Variants in ABCB5 observed in about 807,000 individuals in gnomAD.
The protein encoded by ABCB5 is ATP binding cassette subfamily B member 5.
In ABCB5, 155 loss-of-function variants were observed where a neutral mutation model predicts 144.2. That is an observed-to-expected ratio of 1.08 (90% CI 0.94 to 1.23). The LOEUF is 1.23. ABCB5 is among the 50% of genes most tolerant of loss of function. ABCB5 has a pLI of 0.00. For missense variants in ABCB5, 1,830 were observed against 1,520.8 expected (o/e 1.20, Z -3.38); for synonymous variants, 610 against 528.6 (o/e 1.15, Z -2.11).
intron 23 of ABCB5, among the ~76,000 whole-genome samples, chr7:20,738,446 T>C (rs910138791): frequency 6.6e-6 from 1 of 152,190 alleles, no homozygotes; most frequent in South Asian, 2.1e-4. Context: ...TTTAGTCAGA[T>C]TTTGCTTTGG....
rs1784403619 is a variant in ABCB5, at chr7:20,646,145, C to T, written c.981+7C>T. 6.2e-6 allele frequency: 10 copies of T among 1,607,376 alleles called. No individual in the cohort carries two copies. The highest frequency in any genetic ancestry group is 8.5e-6 in the Non-Finnish European group (10 of 1,177,918). Reference sequence around the variant, plus strand: ...CATCGGGACTGTTCTTGCTGTAAGTCTTGTTTGAGAACAAGGTGTCAGGCC... The same window carrying T: ...CATCGGGACTGTTCTTGCTGTAAGTTTTGTTTGAGAACAAGGTGTCAGGCC... On this transcript the variant is annotated splice_region_variant and intron_variant, in intron 9 of 27. Transcript: ENST00000404938.
chr7:20,669,669 T>A (rs1785395700), intron 14 of ABCB5, among the ~76,000 whole-genome samples: 1 of 133,852 alleles, frequency 7.5e-6, no homozygotes, highest in Non-Finnish European at 1.6e-5. Context: ...CCTCCACTAT[T>A]GTCCTATGAC....
chr7:20,740,172 G>A (rs1034600297), intron 24 of ABCB5, among the ~76,000 whole-genome samples: 5 of 152,120 alleles, frequency 3.3e-5, no homozygotes, highest in African/African-American at 7.2e-5. Context: ...CCCGGGAGGC[G>A]GAGGTTGCAG....
intron 14 of ABCB5, among the ~76,000 whole-genome samples, chr7:20,673,132 A>G (rs1333075167): frequency 6.6e-6 from 1 of 152,154 alleles, no homozygotes; most frequent in Non-Finnish European, 1.5e-5. Context: ...GTCAGGGAGT[A>G]TTCATGTATG....
intron 20 of ABCB5, among the ~76,000 whole-genome samples, chr7:20,715,765 G>C (rs1436842692): frequency 6.6e-6 from 1 of 150,898 alleles, no homozygotes; most frequent in African/African-American, 2.4e-5. Flanking sequence ...TGTCACCCAG[G>C]CTGGAGTGCA....
At position 20,645,878 on chromosome 7, in the gene ABCB5, A is replaced by C. The variant is rs1390674760; in HGVS notation, c.801A>C (p.Gln267His). 6.2e-7 allele frequency: 1 copy of C among 1,613,338 alleles called. No homozygotes were observed. Among genetic ancestry groups the C allele is most frequent in the African/African-American group, 1.3e-5 (1 of 74,900 alleles). Reference sequence around the variant, plus strand: ...TTAGGGCCCAGGAGAAAGAACTTCAAAGGTCTTTCCTTTTAAATATAACAA... The same window carrying C: ...TTAGGGCCCAGGAGAAAGAACTTCACAGGTCTTTCCTTTTAAATATAACAA... ...IAFRAQEKEL[Q>H]RYTQNLKDAK... The change falls in exon 8 of 28, where the codon CAA (glutamine) becomes CAC (histidine). Residue 267 changes from glutamine to histidine, a missense_variant and splice_region_variant. Gln to His is a conservative substitution (Grantham distance 24). Transcript: ENST00000404938.
intron 2 of ABCB5, among the ~76,000 whole-genome samples, chr7:20,625,145 A>G (rs73684574): frequency 0.051 from 7,802 of 152,246 alleles, 580 homozygotes; most frequent in African/African-American, 0.16. Flanking sequence ...GGGTTTTGCA[A>G]TGGTAAAGCA....
At chr7:20,670,810 G>C (rs936463477) in intron 14 of ABCB5, among the ~76,000 whole-genome samples, 1 of 152,212 alleles carries the variant, frequency 6.6e-6, no homozygotes, top group African/African-American at 2.4e-5. Context: ...TTGGGAGGCT[G>C]AGGCAGGAGA....
chr7:20,731,422 G>A (rs1327371116), intron 23 of ABCB5, among the ~76,000 whole-genome samples: 3 of 149,942 alleles, frequency 2.0e-5, no homozygotes, highest in Non-Finnish European at 3.0e-5. Flanking sequence ...TTTCAGCCAG[G>A]ACTCTGTGTG....
intron 14 of ABCB5, among the ~76,000 whole-genome samples, chr7:20,674,750 AC>A (rs1785551847): frequency 2.5e-4 from 6 of 23,574 alleles, no homozygotes; most frequent in African/African-American, 2.0e-3. Context: ...TCTAAAGACT[AC>A]ACACACACAC....
chr7:20,646,163 G>A (rs11769236), intron 9 of ABCB5, 25 bp downstream of exon 9: 345,843 of 1,596,954 alleles, frequency 0.22, 40,345 homozygotes, highest in African/African-American at 0.39. Context: ...AGAACAAGGT[G>A]TCAGGCCTGG....
intron 20 of ABCB5, among the ~76,000 whole-genome samples, chr7:20,717,593 C>A (rs1238050717): frequency 6.6e-6 from 1 of 151,900 alleles, no homozygotes; most frequent in East Asian, 1.9e-4. Flanking sequence ...CAGACACGCA[C>A]CACCATGCCC....
chr7:20,733,725 G>A (rs544630642), intron 23 of ABCB5, among the ~76,000 whole-genome samples: 2 of 151,016 alleles, frequency 1.3e-5, no homozygotes, highest in African/African-American at 2.4e-5. Flanking sequence ...CGCAAACTCC[G>A]CTTCCTGGAT....
At chr7:20,738,188 T>C (rs953430700) in intron 23 of ABCB5, among the ~76,000 whole-genome samples, 9 of 152,214 alleles carry the variant, frequency 5.9e-5, no homozygotes, top group South Asian at 4.1e-4. Context: ...TTTAGCCTGA[T>C]TGTGCCGTTA....
At chr7:20,700,299 T>G (rs1021414067) in intron 19 of ABCB5, among the ~76,000 whole-genome samples, 164 bp downstream of exon 19, 2 of 152,204 alleles carry the variant, frequency 1.3e-5, no homozygotes, top group African/African-American at 4.8e-5. Context: ...TATATTTTTC[T>G]AAAAGAAGCA....
At chr7:20,620,418 A>G (rs561525714) in intron 1 of ABCB5, among the ~76,000 whole-genome samples, 64 of 152,294 alleles carry the variant, frequency 4.2e-4, no homozygotes, top group African/African-American at 1.4e-3. Flanking sequence ...TTCAAGATTG[A>G]AAACTTTTGC....
chr7:20,665,986 A>G (rs994804431), intron 14 of ABCB5, among the ~76,000 whole-genome samples: 6 of 151,806 alleles, frequency 4.0e-5, no homozygotes, highest in Non-Finnish European at 8.8e-5. Context: ...CCTGACCAAC[A>G]TGGAGAAACC....
chr7:20,647,361 G>A, intron 9 of ABCB5, 174 bp from the exon 10 acceptor site: 1 of 1,338,628 alleles, frequency 7.5e-7, no homozygotes, highest in South Asian at 2.2e-5. Context: ...TCGGCCTTTT[G>A]GCTAAGATCA....
chr7:20,634,238 T>TTGTGTGTGTGTGTGTGTG (rs10688708), intron 5 of ABCB5, among the ~76,000 whole-genome samples: 6 of 140,446 alleles, frequency 4.3e-5, no homozygotes, highest in African/African-American at 1.6e-4. Context: ...GTATTCCATG[T>TTGTGTGTGTGTGTGTGTG]TGTGTGTGTG....
Sources: gnomAD v4.1 joint callset for allele counts (sites outside exome capture counted in the v4.1 genomes callset) on GRCh38, gnomAD v4.1.1 for gene constraint, MANE v1.5 for transcripts, NCBI Gene and HGNC (gene_info 2026-07-23, HGNC 2026-07-21) for gene names.